The following PLCB1 variants were observed in gnomAD, a reference collection of about 807,000 sequenced individuals.
PLCB1 encodes the protein phospholipase C beta 1, also known as 1-phosphatidylinositol 4,5-bisphosphate phosphodiesterase beta-1.
Under a neutral mutation model 161.8 loss-of-function variants are expected in PLCB1, and 46 were observed. The ratio of observed to expected loss-of-function variants is 0.28; its 90% CI spans 0.22 to 0.36. The LOEUF (loss-of-function observed/expected upper bound fraction) is 0.36, where lower values mean the gene tolerates loss of function less well. Ranked by LOEUF, PLCB1 falls within the 10% of genes least tolerant of loss-of-function variation. The probability of loss-of-function intolerance (pLI) is 1.00; values close to 1 mark genes in which losing one functional copy is unlikely to be tolerated. For synonymous variants in PLCB1, 517 were observed against 503.7 expected, an observed-to-expected ratio of 1.03 and a Z score of -0.35; for missense variants, 1,016 against 1,472.5, an observed-to-expected ratio of 0.69 and a Z score of 5.07.
chr20:8,802,128 C>G (rs776191044), intron 31 of PLCB1: 1 of 1,612,606 alleles, frequency 6.2e-7, no homozygotes, highest in Non-Finnish European at 8.5e-7. Context: ...CTTTACTCCC[C>G]CCAACCCTCA....
In PLCB1 at chr20:8,438,294, A is replaced by G. The variant is rs73593724; in HGVS notation, c.246+66844A>G. On this transcript the variant is annotated intron_variant, in intron 3 of 31. Coordinates refer to ENST00000338037, the MANE Select transcript of PLCB1 (RefSeq NM_015192.4). ...TAATTTCCATATTATATACATACCT[A>G]AATATTGAGGGAAAACCAAAATTGC... Among the ~76,000 whole-genome samples the G allele has an allele frequency of 6.9e-3, 1,048 of 152,292 alleles. 15 individuals carry two copies. The highest frequency in any genetic ancestry group is 0.024 in the African/African-American group (1,007 of 41,566).
chr20:8,182,086 G>A (rs1196822365), intron 2 of PLCB1, among the ~76,000 whole-genome samples: 2 of 152,146 alleles, frequency 1.3e-5, no homozygotes, highest in South Asian at 4.1e-4. Context: ...AGACACAGGG[G>A]CAATAGCGTT....
At chr20:8,727,004 C>T (rs1015694180) in intron 16 of PLCB1, among the ~76,000 whole-genome samples, 4 of 151,980 alleles carry the variant, frequency 2.6e-5, no homozygotes, top group African/African-American at 9.7e-5. Flanking sequence ...GGTCCCTGCT[C>T]TTTTGACAAA....
chr20:8,658,754 G>C (rs1989538292), intron 9 of PLCB1, 50 bp downstream of exon 9: 1 of 1,472,206 alleles, frequency 6.8e-7, no homozygotes, highest in Non-Finnish European at 9.2e-7. Flanking sequence ...CTGATTGGGG[G>C]TAGTCACACG....
At chr20:8,316,683 G>T (rs1173725937) in intron 2 of PLCB1, among the ~76,000 whole-genome samples, 1 of 152,010 alleles carries the variant, frequency 6.6e-6, no homozygotes, top group Non-Finnish European at 1.5e-5. Context: ...CTTTTCCAAG[G>T]AATCAGTGAT....
intron 3 of PLCB1, among the ~76,000 whole-genome samples, chr20:8,514,739 C>G (rs1984042223): frequency 6.6e-6 from 1 of 151,980 alleles, no homozygotes; most frequent in Non-Finnish European, 1.5e-5. Context: ...TATCTTTTTG[C>G]TAGTTTCATG....
At chr20:8,425,889 A>G (rs1979748319) in intron 3 of PLCB1, among the ~76,000 whole-genome samples, 1 of 151,566 alleles carries the variant, frequency 6.6e-6, no homozygotes, top group Non-Finnish European at 1.5e-5. Context: ...AAAAGTTTTG[A>G]GAAAAGTTCT....
At chr20:8,390,458 A>G (rs1160483938) in intron 3 of PLCB1, among the ~76,000 whole-genome samples, 1 of 152,152 alleles carries the variant, frequency 6.6e-6, no homozygotes, top group East Asian at 1.9e-4. Flanking sequence ...TCAACATATA[A>G]ATGTTGAGGG....
At chr20:8,818,407 C>T (rs1156392420) in intron 31 of PLCB1, among the ~76,000 whole-genome samples, 1 of 151,950 alleles carries the variant, frequency 6.6e-6, no homozygotes, top group African/African-American at 2.4e-5. Flanking sequence ...GCTAGTCAGA[C>T]AAAAAGATGC....
chr20:8,218,511 T>A (rs757727405), intron 2 of PLCB1, among the ~76,000 whole-genome samples: 1 of 152,136 alleles, frequency 6.6e-6, no homozygotes, highest in Non-Finnish European at 1.5e-5. Flanking sequence ...GTGATTTAAT[T>A]CCTCAGTTAC....
intron 2 of PLCB1, among the ~76,000 whole-genome samples, chr20:8,338,866 T>G (rs1190300035): frequency 6.6e-6 from 1 of 152,190 alleles, no homozygotes; most frequent in African/African-American, 2.4e-5. Flanking sequence ...TCCAGCTTAG[T>G]TTACTGATAA....
intron 1 of PLCB1, among the ~76,000 whole-genome samples, chr20:8,148,057 G>A (rs553988535): frequency 1.3e-4 from 19 of 151,882 alleles, no homozygotes; most frequent in African/African-American, 4.1e-4. Flanking sequence ...GCAGGGAATC[G>A]CCACCAAGAT....
At chr20:8,464,134 A>G (rs1460787565) in intron 3 of PLCB1, among the ~76,000 whole-genome samples, 1 of 152,156 alleles carries the variant, frequency 6.6e-6, no homozygotes, top group Non-Finnish European at 1.5e-5. Flanking sequence ...CCTATAGTCT[A>G]ATATTCACTG....
chr20:8,153,529 G>A (rs989294104), intron 2 of PLCB1, among the ~76,000 whole-genome samples: 2 of 152,160 alleles, frequency 1.3e-5, no homozygotes, highest in Non-Finnish European at 1.5e-5. Context: ...CACAGGAAGT[G>A]TTAGCTGTGA....
chr20:8,730,325 C>T (rs1980170065), intron 18 of PLCB1, among the ~76,000 whole-genome samples: 1 of 151,510 alleles, frequency 6.6e-6, no homozygotes, highest in Admixed American at 6.6e-5. Flanking sequence ...GAGATCAATC[C>T]TTTTTTTTCA....
At chr20:8,322,285 CATA>C (rs1984955468) in intron 2 of PLCB1, among the ~76,000 whole-genome samples, 1 of 152,010 alleles carries the variant, frequency 6.6e-6, no homozygotes, top group African/African-American at 2.4e-5. Flanking sequence ...AGACATCTAC[CATA>C]ATATTACAAA....
In PLCB1 at chr20:8,632,047, T is replaced by G. The variant is rs578173638; in HGVS notation, c.384+3616T>G. On this transcript the variant is annotated intron_variant, in intron 4 of 31. Coordinates refer to ENST00000338037, the MANE Select transcript of PLCB1 (RefSeq NM_015192.4). ...TGGGTTTTTTTTGCTTTTTTTTTTT[T>G]TTTTTTTTTTTTTTTTTTTTGCCTG... Among the ~76,000 whole-genome samples, 323 of 89,166 alleles carry G rather than the reference T, an allele frequency of 3.6e-3. 3 individuals carry two copies. Among genetic ancestry groups the G allele is most frequent in the African/African-American group, 8.2e-3 (209 of 25,626 alleles). 58.5% of individuals were successfully genotyped at this position (89,166 alleles called of 152,430 possible).
At chr20:8,765,870 G>C (rs1254193419) in intron 26 of PLCB1, among the ~76,000 whole-genome samples, 7 of 152,112 alleles carry the variant, frequency 4.6e-5, no homozygotes, top group Non-Finnish European at 1.0e-4. Flanking sequence ...AGTAGAGATG[G>C]GGTTTCACCA....
chr20:8,252,556 T>C (rs924606062), intron 2 of PLCB1, among the ~76,000 whole-genome samples: 13 of 152,060 alleles, frequency 8.5e-5, no homozygotes, highest in Non-Finnish European at 1.9e-4. Flanking sequence ...TTAGAATACA[T>C]TTTGATGAAA....
Sources: allele counts gnomAD v4.1 joint callset (sites outside exome capture counted in the v4.1 genomes callset), GRCh38; gene constraint gnomAD v4.1.1; transcripts MANE v1.5; gene names NCBI Gene and HGNC (gene_info 2026-07-23, HGNC 2026-07-21).